PDE1A: variants seen among roughly 807,000 people sequenced by gnomAD.
The protein encoded by PDE1A is phosphodiesterase 1A.
PDE1A carries 35 observed loss-of-function variants against 61.7 expected under a neutral mutation model. The observed-to-expected ratio is 0.57, with a 90% CI of 0.43 to 0.75. The LOEUF (loss-of-function observed/expected upper bound fraction) is 0.75. Ranked by LOEUF, PDE1A falls within the 30% of genes least tolerant of loss-of-function variation. The probability of loss-of-function intolerance (pLI) is 0.00; values close to 1 mark genes in which losing one functional copy is unlikely to be tolerated. For synonymous variants in PDE1A, 232 were observed against 213.2 expected, an observed-to-expected ratio of 1.09 and a Z score of -0.77; for missense variants, 597 against 630.6, an observed-to-expected ratio of 0.95 and a Z score of 0.57.
chr2:182,587,993 T>A, the PDE1A span, among the ~76,000 whole-genome samples: 2 of 152,224 alleles, frequency 1.3e-5, no homozygotes, highest in African/African-American at 2.4e-5. Context: ...GGAGAATGTT[T>A]TTAACCAAGC....
the PDE1A span, among the ~76,000 whole-genome samples, chr2:182,559,937 C>T: frequency 6.6e-6 from 1 of 151,536 alleles, no homozygotes; most frequent in South Asian, 2.1e-4. Flanking sequence ...TTGTAAGAGA[C>T]AGGATAAGGG....
upstream of PDE1A, among the ~76,000 whole-genome samples, chr2:182,527,254 C>T (rs1690785072): frequency 7.5e-6 from 1 of 133,664 alleles, no homozygotes. Context: ...ATCACTTCAG[C>T]TCAGCAGTTC....
Position 182,264,878 on chromosome 2 carries a change from C to CAT in PDE1A, c.54-466_54-465dup, listed in dbSNP as rs148358464. 5.2e-3 allele frequency among the ~76,000 whole-genome samples: 558 copies of CAT among 106,858 alleles called. 84 individuals carry two copies. The highest frequency in any genetic ancestry group is 0.049 in the Admixed American group (424 of 8,736). 70.1% of individuals were successfully genotyped at this position (106,858 alleles called of 152,430 possible). ...ATAAAGAAAATGTGGTATATATATA[C>CAT]ATATATATATATATGTATATATATA... On this transcript the variant is annotated intron_variant, in intron 1 of 13. Coordinates refer to ENST00000351439, the Ensembl canonical transcript of PDE1A.
chr2:182,289,097 A>G (rs745481555), intron 1 of PDE1A, among the ~76,000 whole-genome samples: 2 of 151,980 alleles, frequency 1.3e-5, no homozygotes, highest in African/African-American at 2.4e-5. Context: ...TTTAGAATCT[A>G]CATGATTCCC....
chr2:182,193,790 T>C (rs1240976190), intron 10 of PDE1A, among the ~76,000 whole-genome samples: 1 of 152,168 alleles, frequency 6.6e-6, no homozygotes, highest in African/African-American at 2.4e-5. Flanking sequence ...GTGTTTATAG[T>C]ACTTTTATGG....
In PDE1A at chr2:182,333,757, C is replaced by T. The variant is rs146591716; in HGVS notation, c.54-69343G>A. ...AGCAGAACTAAAGGAGATAGAGACA[C>T]GAAAAACCCTTCAAAAAATCAATGA... On this transcript the variant is annotated intron_variant, in intron 1 of 13. Coordinates refer to ENST00000351439, the Ensembl canonical transcript of PDE1A. Among the ~76,000 whole-genome samples the T allele has an allele frequency of 1.4e-3, 216 of 152,040 alleles. 5 individuals carry two copies. In the East Asian group the frequency reaches 0.035, roughly 25 times the overall value.
intron 2 of PDE1A, among the ~76,000 whole-genome samples, chr2:182,253,657 T>A (rs1396346075): frequency 6.6e-6 from 1 of 152,164 alleles, no homozygotes; most frequent in East Asian, 1.9e-4. Context: ...TTAGGAGTCA[T>A]CCATCCTGAG....
chr2:182,633,505 TG>T, the PDE1A span, among the ~76,000 whole-genome samples: 1 of 152,190 alleles, frequency 6.6e-6, no homozygotes, highest in Non-Finnish European at 1.5e-5. Context: ...TTCTTAATAT[TG>T]GCATGGAAGG....
chr2:182,233,775 CCACACA>C (rs4018725), intron 4 of PDE1A, among the ~76,000 whole-genome samples: 43,465 of 146,982 alleles, frequency 0.3, 6,535 homozygotes, highest in Middle Eastern at 0.43. Context: ...CACATGAACA[CCACACA>C]CACACACACA....
chr2:182,345,027 A>G (rs924842305), intron 1 of PDE1A, among the ~76,000 whole-genome samples: 2 of 152,198 alleles, frequency 1.3e-5, no homozygotes, highest in African/African-American at 2.4e-5. Context: ...AGAATCAACC[A>G]GGATACCCTG....
At chr2:182,360,881 G>C (rs1353124134) in intron 1 of PDE1A, among the ~76,000 whole-genome samples, 2 of 151,938 alleles carry the variant, frequency 1.3e-5, no homozygotes, top group African/African-American at 4.8e-5. Flanking sequence ...CAAGTTACAA[G>C]TTATGTCTAT....
chr2:182,713,091 T>C, the PDE1A span, among the ~76,000 whole-genome samples: 1 of 152,208 alleles, frequency 6.6e-6, no homozygotes, highest in Non-Finnish European at 1.5e-5. Flanking sequence ...AACTATGCAC[T>C]TGCTGTTCAA....
intron 2 of PDE1A, among the ~76,000 whole-genome samples, chr2:182,458,574 C>A (rs1291323270): frequency 6.6e-6 from 1 of 151,958 alleles, no homozygotes; most frequent in Non-Finnish European, 1.5e-5. Context: ...TGCCCTAAAG[C>A]AAATAAAGAG....
chr2:182,683,235 G>C, the PDE1A span, among the ~76,000 whole-genome samples: 2 of 151,710 alleles, frequency 1.3e-5, no homozygotes, highest in Non-Finnish European at 2.9e-5. Flanking sequence ...GGGATTACAG[G>C]CGTGCTGTAA....
intron 2 of PDE1A, among the ~76,000 whole-genome samples, chr2:182,246,625 C>T (rs922169847): frequency 6.6e-6 from 1 of 151,990 alleles, no homozygotes. Flanking sequence ...CCAGGCTGGT[C>T]TCAAACTCTT....
chr2:182,352,539 C>G (rs1698943316), intron 1 of PDE1A, among the ~76,000 whole-genome samples: 1 of 151,314 alleles, frequency 6.6e-6, no homozygotes, highest in Non-Finnish European at 1.5e-5. Context: ...AAAAAAGAAA[C>G]TAAGAAAGGG....
At chr2:182,368,537 T>A (rs1232135544) in intron 1 of PDE1A, among the ~76,000 whole-genome samples, 4 of 151,920 alleles carry the variant, frequency 2.6e-5, no homozygotes, top group South Asian at 2.1e-4. Flanking sequence ...TTTTTTTTTT[T>A]AAACAGAAGA....
intron 12 of PDE1A, 128 bp downstream of exon 12, chr2:182,186,340 T>C (rs1286994786): frequency 3.7e-6 from 4 of 1,090,202 alleles, no homozygotes; most frequent in East Asian, 2.5e-5. Context: ...ATAAAGCCAC[T>C]AGGTGGCAAT....
At chr2:182,354,118 CTTCAACTGATAATTGACACCCAGT>C (rs1699044174) in intron 1 of PDE1A, among the ~76,000 whole-genome samples, 1 of 152,112 alleles carries the variant, frequency 6.6e-6, no homozygotes, top group Non-Finnish European at 1.5e-5. Context: ...CCCTGCCAAT[CTTCAACTGATAATTGACACCCAGT>C]TTAAGCAAGA....
Sources: allele counts gnomAD v4.1 joint callset (sites outside exome capture counted in the v4.1 genomes callset), GRCh38; gene constraint gnomAD v4.1.1; transcripts MANE v1.5; gene names NCBI Gene and HGNC (gene_info 2026-07-23, HGNC 2026-07-21).